Variants in NTN4 observed in about 807,000 individuals in gnomAD.
NTN4 encodes the protein netrin-4.
NTN4 carries 32 observed loss-of-function variants against 73.6 expected under a neutral mutation model. That is an observed-to-expected ratio of 0.44 (90% confidence interval 0.33 to 0.58). NTN4 has a LOEUF of 0.58. Among genes scored for constraint, NTN4 ranks in the 20% least tolerant of loss-of-function variants. The pLI is 0.04. For synonymous variants in NTN4, 258 were observed against 287.5 expected, an observed-to-expected ratio of 0.90 and a Z score of 1.04; for missense variants, 654 against 798.3, an observed-to-expected ratio of 0.82 and a Z score of 2.18.
chr12:95,659,144 T>C lies in NTN4; in HGVS notation c.1829A>G (p.His610Arg). ...TTTTCTTCCAAGAGAAGGTTTCCAGTGCTGGACAAAGCTTTTCATATTCAC... is the reference window on the plus strand; with the variant it reads ...TTTTCTTCCAAGAGAAGGTTTCCAGCGCTGGACAAAGCTTTTCATATTCAC... The part of the protein sequence containing the change: ...LIVNMKSFVQ[H>R]WKPSLGRKVM... The change falls in exon 10 of 10, where the codon CAC (histidine) becomes CGC (arginine). Residue 610 changes from histidine (H) to arginine (R), a missense_variant. Physicochemically the swap from His to Arg is conservative, Grantham distance 29. Coordinates refer to ENST00000343702, the MANE Select transcript of NTN4 (RefSeq NM_021229.4). 2.5e-6 allele frequency: 4 copies of C among 1,613,842 alleles called. No individual in the cohort carries two copies. The highest frequency in any genetic ancestry group is 3.4e-6 in the Non-Finnish European group (4 of 1,179,848).
intron 8 of NTN4, 40 bp downstream of exon 8, chr12:95,670,038 T>C: frequency 8.0e-7 from 1 of 1,249,334 alleles, no homozygotes; most frequent in Admixed American, 2.1e-5. Context: ...GAACTTAGTG[T>C]GAATAGGTTC....
At chr12:95,774,627 G>A (rs4533108) in intron 2 of NTN4, among the ~76,000 whole-genome samples, 93,350 of 152,092 alleles carry the variant, frequency 0.61, 29,322 homozygotes, top group South Asian at 0.78. Context: ...AAATGTAAAT[G>A]CCCATAAAAC....
intron 3 of NTN4, among the ~76,000 whole-genome samples, chr12:95,718,059 CCAGT>C (rs1282160676): frequency 1.8e-4 from 28 of 152,198 alleles, no homozygotes; most frequent in African/African-American, 6.8e-4. Flanking sequence ...ACACATTGAA[CCAGT>C]CAGTCAAGGA....
intron 2 of NTN4, among the ~76,000 whole-genome samples, chr12:95,767,830 T>C (rs1354617277): frequency 6.6e-6 from 1 of 152,176 alleles, no homozygotes; most frequent in Non-Finnish European, 1.5e-5. Flanking sequence ...TGCTAGGCCT[T>C]TGCATACTGG....
chr12:95,742,761 T>A (rs1390317420), intron 2 of NTN4, among the ~76,000 whole-genome samples: 1 of 152,192 alleles, frequency 6.6e-6, no homozygotes, highest in Non-Finnish European at 1.5e-5. Context: ...AGGGATCCTG[T>A]TTGTCTGGTT....
Position 95,698,414 on chromosome 12 carries a change from C to T in NTN4, c.1180+12027G>A, listed in dbSNP as rs12316420. 3.4e-3 allele frequency among the ~76,000 whole-genome samples: 514 copies of T among 152,254 alleles called. 2 individuals carry two copies. The highest frequency in any genetic ancestry group is 0.012 in the African/African-American group (496 of 41,552). On this transcript the variant is annotated intron_variant, in intron 5 of 9. Transcript: ENST00000343702. Reference sequence around the variant, plus strand: ...ATTGTTTGCTTGATTATTACATGTCCTCATCAAAAGTAGAATGGTATACTA... The same window carrying T: ...ATTGTTTGCTTGATTATTACATGTCTTCATCAAAAGTAGAATGGTATACTA...
At chr12:95,699,521 T>C (rs2078467304) in intron 5 of NTN4, among the ~76,000 whole-genome samples, 1 of 151,942 alleles carries the variant, frequency 6.6e-6, no homozygotes, top group Non-Finnish European at 1.5e-5. Flanking sequence ...AAGGGGCTAT[T>C]TGAGTAGAAT....
In NTN4 at chr12:95,790,675, T is replaced by G; in HGVS notation, c.-366A>C. 10 of 165,322 alleles carry G rather than the reference T, an allele frequency of 6.0e-5. No individual in the cohort carries two copies. The highest frequency in any genetic ancestry group is 1.7e-4 in the East Asian group (1 of 5,904). 10.2% of individuals were successfully genotyped at this position (165,322 alleles called of 1,614,324 possible). A position where few individuals can be genotyped will look rare whatever the true frequency, so the allele number is the denominator to read the frequency against. On this transcript the variant is annotated 5_prime_UTR_variant, in exon 1 of 10. Coordinates refer to ENST00000343702, the MANE Select transcript of NTN4 (RefSeq NM_021229.4). This position sits in a 1 kb window ranked among gnomAD's most constrained non-coding sequence, Gnocchi z 6.5. ...CGCTGAACTTTGCGAGACCTTTCAC[T>G]TCCCGGCCGCCGCCGCCGCCTCCTC...
Position 95,716,925 on chromosome 12 carries a change from TGA to T in NTN4, c.865-3589_865-3588del, listed in dbSNP as rs2078609980. On this transcript the variant is annotated intron_variant, in intron 3 of 9. Transcript: ENST00000343702. ...CCTGGGCGGAAGTGATCCTCCCATC[TGA>T]GTCTCCCGAGTAGCTTGGACAACAG... is the stretch of plus-strand genomic sequence containing the variant. Among the ~76,000 whole-genome samples the T allele has an allele frequency of 3.3e-5, 5 of 152,150 alleles. No individual in the cohort carries two copies. In the South Asian group the frequency reaches 1.0e-3, roughly 32 times the overall value.
chr12:95,761,622 C>G (rs201515945), intron 2 of NTN4, among the ~76,000 whole-genome samples: 1 of 152,028 alleles, frequency 6.6e-6, no homozygotes, highest in East Asian at 1.9e-4. Flanking sequence ...CGTGAGCCAC[C>G]GTGCCCAGCC....
intron 7 of NTN4, among the ~76,000 whole-genome samples, chr12:95,677,569 G>T (rs2078282524): frequency 6.6e-6 from 1 of 152,020 alleles, no homozygotes; most frequent in African/African-American, 2.4e-5. Context: ...ATAAATGAAA[G>T]ATAAAAACCC....
rs145752517 is a variant in NTN4, at chr12:95,756,000, C to T, written c.586-17856G>A. On this transcript the variant is annotated intron_variant, in intron 2 of 9. Coordinates refer to ENST00000343702, the MANE Select transcript of NTN4 (RefSeq NM_021229.4). ...ATCTGAGTGTCAGAAACGTCCTTAG[C>T]AATCAATGGGCTAGTCCAATTAGAC... is the stretch of plus-strand genomic sequence containing the variant. Among the ~76,000 whole-genome samples, 86 of 152,278 alleles carry T rather than the reference C, an allele frequency of 5.6e-4. 2 individuals carry two copies. In the South Asian group the frequency reaches 0.012, roughly 22 times the overall value.
chr12:95,708,859 G>A lies in NTN4; in HGVS notation c.1180+1582C>T, dbSNP rs6538662. Among the ~76,000 whole-genome samples the A allele has an allele frequency of 3.4e-3, 519 of 152,208 alleles. 4 individuals are homozygous for A. Among genetic ancestry groups the A allele is most frequent in the African/African-American group, 0.011 (464 of 41,520 alleles). On this transcript the variant is annotated intron_variant, in intron 5 of 9. Coordinates refer to ENST00000343702, the MANE Select transcript of NTN4 (RefSeq NM_021229.4). Reference sequence around the variant, plus strand: ...TGAAGTCTGAAGAGCTTCAATAGCTGGCATAACATCACACAGCTGGCAATT... The same window carrying A: ...TGAAGTCTGAAGAGCTTCAATAGCTAGCATAACATCACACAGCTGGCAATT...
chr12:95,744,670 A>G (rs1008635066), intron 2 of NTN4, among the ~76,000 whole-genome samples: 20 of 152,296 alleles, frequency 1.3e-4, no homozygotes, highest in African/African-American at 4.8e-4. Context: ...CCAACTAATT[A>G]TCTTTAAAGA....
At chr12:95,768,179 C>A (rs1260607697) in intron 2 of NTN4, among the ~76,000 whole-genome samples, 1 of 152,162 alleles carries the variant, frequency 6.6e-6, no homozygotes, top group Non-Finnish European at 1.5e-5. Flanking sequence ...GTGGTCTGGG[C>A]TACTTTAGGG....
chr12:95,661,444 A>C (rs892693096), intron 9 of NTN4, among the ~76,000 whole-genome samples: 3 of 152,222 alleles, frequency 2.0e-5, no homozygotes, highest in Non-Finnish European at 4.4e-5. Flanking sequence ...ATGAATGATT[A>C]ATGGAAAGCT....
intron 5 of NTN4, among the ~76,000 whole-genome samples, chr12:95,696,073 C>T (rs867208844): frequency 2.0e-5 from 3 of 151,414 alleles, no homozygotes; most frequent in Admixed American, 6.6e-5. Flanking sequence ...CCTGTATTTC[C>T]AATCTATGCA....
At chr12:95,669,951 A>G in intron 8 of NTN4, 127 bp downstream of exon 8, 1 of 546,104 alleles carries the variant, frequency 1.8e-6, no homozygotes, top group East Asian at 3.1e-5. Flanking sequence ...TAGTGTTATT[A>G]TGTAAGACTA....
In NTN4 at chr12:95,700,080, A is replaced by ATTTTTTTTT. The variant is rs56063223; in HGVS notation, c.1180+10352_1180+10360dup. 2.8e-3 allele frequency among the ~76,000 whole-genome samples: 119 copies of ATTTTTTTTT among 41,812 alleles called. 30 individuals carry two copies. The highest frequency in any genetic ancestry group is 4.3e-3 in the Non-Finnish European group (100 of 23,306). 27.4% of individuals were successfully genotyped at this position (41,812 alleles called of 152,430 possible). ...AACAGTGTATTCTTCTAAAGTGAGG[A>ATTTTTTTTT]TTTTTTTTTTTTTTTTTTTTTTTTT... On this transcript the variant is annotated intron_variant, in intron 5 of 9. Coordinates refer to ENST00000343702, the MANE Select transcript of NTN4 (RefSeq NM_021229.4).
Sources: gnomAD v4.1 joint callset for allele counts (sites outside exome capture counted in the v4.1 genomes callset) on GRCh38, gnomAD v4.1.1 for gene constraint, Gnocchi (gnomAD v3.1) non-coding constraint, MANE v1.5 for transcripts, NCBI Gene and HGNC (gene_info 2026-07-23, HGNC 2026-07-21) for gene names.